DPF3: variants seen among roughly 807,000 people sequenced by gnomAD.
The protein encoded by DPF3 is double PHD fingers 3, also known as zinc finger protein DPF3.
In DPF3, 18 loss-of-function variants were observed where a neutral mutation model predicts 56.8. The observed-to-expected ratio is 0.32, with a 90% CI of 0.22 to 0.47. The LOEUF (loss-of-function observed/expected upper bound fraction) is 0.47. Among genes scored for constraint, DPF3 ranks in the 20% least tolerant of loss-of-function variants. The probability of loss-of-function intolerance (pLI) is 1.00; values close to 1 mark genes in which losing one functional copy is unlikely to be tolerated. For synonymous variants in DPF3, 188 were observed against 180.2 expected (o/e 1.04, Z -0.35); for missense variants, 403 against 488.8 (o/e 0.82, Z 1.65).
intron 1 of DPF3, chr14:72,892,774 A>G (rs1392003675): frequency 1.1e-6 from 1 of 884,352 alleles, no homozygotes; most frequent in South Asian, 5.1e-5. Context: ...CGGGCGGGGA[A>G]GTCCCGGTCG....
chr14:72,746,635 C>A (rs910546005), intron 3 of DPF3, among the ~76,000 whole-genome samples: 21 of 152,380 alleles, frequency 1.4e-4, no homozygotes, highest in African/African-American at 4.6e-4. Flanking sequence ...AATAAGCCTG[C>A]CTTGGGGGAA....
intron 8 of DPF3, among the ~76,000 whole-genome samples, chr14:72,659,344 G>A (rs1479238591): frequency 6.6e-6 from 1 of 152,172 alleles, no homozygotes; most frequent in African/African-American, 2.4e-5. Context: ...TCTGGCCCAT[G>A]TGTGTACTTT....
At chr14:72,622,669 C>G (rs772007291) in intron 9 of DPF3, among the ~76,000 whole-genome samples, 2 of 152,014 alleles carry the variant, frequency 1.3e-5, no homozygotes, top group Non-Finnish European at 2.9e-5. Flanking sequence ...CTTCCACCAC[C>G]AAGAGCCCCC....
chr14:72,863,220 A>G (rs911598093), intron 1 of DPF3, among the ~76,000 whole-genome samples: 1 of 150,476 alleles, frequency 6.6e-6, no homozygotes, highest in African/African-American at 2.5e-5. Context: ...AGCTCTAATG[A>G]ATTTCAAAAG....
At chr14:72,678,269 C>T (rs1263934995) in intron 7 of DPF3, among the ~76,000 whole-genome samples, 2 of 152,194 alleles carry the variant, frequency 1.3e-5, no homozygotes, top group African/African-American at 4.8e-5. Flanking sequence ...ACTTTGCAGC[C>T]ATACCTTGCA....
intron 8 of DPF3, among the ~76,000 whole-genome samples, chr14:72,672,362 A>G (rs1886726612): frequency 6.6e-6 from 1 of 152,092 alleles, no homozygotes; most frequent in Non-Finnish European, 1.5e-5. Flanking sequence ...AGGGGAAGGA[A>G]GCTCTTCCAA....
intron 6 of DPF3, among the ~76,000 whole-genome samples, chr14:72,702,740 TA>T (rs1888227560): frequency 6.6e-6 from 1 of 152,178 alleles, no homozygotes; most frequent in Admixed American, 6.5e-5. Context: ...CAGATCGGGA[TA>T]AAGCCCAGGA....
chr14:72,620,727 C>T lies in DPF3; in HGVS notation c.985-743G>A, dbSNP rs141121679. Among the ~76,000 whole-genome samples, 15 of 152,368 alleles carry T rather than the reference C, an allele frequency of 9.8e-5. No homozygotes were observed. In the East Asian group the frequency reaches 2.9e-3, roughly 29 times the overall value. Reference sequence around the variant, plus strand: ...TCTTTTCCACAAAGTCTTTGCTAATCTACCTCAACTGGAAGTTGTCTCTTC... The same window carrying T: ...TCTTTTCCACAAAGTCTTTGCTAATTTACCTCAACTGGAAGTTGTCTCTTC... On this transcript the variant is annotated intron_variant, in intron 9 of 10. Transcript: ENST00000556509.
chr14:72,710,643 G>A (rs1417051986), intron 6 of DPF3, among the ~76,000 whole-genome samples: 1 of 152,226 alleles, frequency 6.6e-6, no homozygotes, highest in East Asian at 1.9e-4. Flanking sequence ...CCAGGAGTCT[G>A]AATTCTAAGA....
chr14:72,663,131 T>C, intron 8 of DPF3, among the ~76,000 whole-genome samples: 1 of 134,140 alleles, frequency 7.5e-6, no homozygotes, highest in Non-Finnish European at 1.5e-5. Flanking sequence ...GATGGTCAAT[T>C]CCCAGGTGGT....
intron 1 of DPF3, among the ~76,000 whole-genome samples, chr14:72,871,461 G>A (rs1359368498): frequency 6.6e-6 from 1 of 152,216 alleles, no homozygotes. Context: ...CCAAGTGGGA[G>A]AAATTGGCCA....
chr14:72,836,305 G>T (rs35969473), intron 1 of DPF3: 1 of 985,654 alleles, frequency 1.0e-6, no homozygotes, highest in South Asian at 4.7e-5. Context: ...CAAACTCCCA[G>T]GGCAACCCTG....
At chr14:72,830,898 A>C (rs972521502) in intron 1 of DPF3, among the ~76,000 whole-genome samples, 3 of 152,066 alleles carry the variant, frequency 2.0e-5, no homozygotes, top group African/African-American at 7.2e-5. Flanking sequence ...AATCCTGCTC[A>C]TGGGAATTAA....
intron 8 of DPF3, among the ~76,000 whole-genome samples, chr14:72,656,593 C>T (rs2153568921): frequency 6.6e-6 from 1 of 152,302 alleles, no homozygotes; most frequent in African/African-American, 2.4e-5. Context: ...AAATACAAAG[C>T]ATAGCATTTT....
intron 4 of DPF3, chr14:72,724,094 C>T (rs183820052): frequency 7.0e-4 from 126 of 179,306 alleles, no homozygotes; most frequent in African/African-American, 2.8e-3. Flanking sequence ...CAAAGGGCCA[C>T]CTCAGAAATA....
chr14:72,811,082 C>T (rs932453423), intron 1 of DPF3, among the ~76,000 whole-genome samples: 3 of 152,240 alleles, frequency 2.0e-5, no homozygotes, highest in Middle Eastern at 3.4e-3. Flanking sequence ...GAGAGCAAGA[C>T]CAAGGCAGCA....
intron 8 of DPF3, among the ~76,000 whole-genome samples, chr14:72,643,976 T>C (rs1374723502): frequency 6.6e-6 from 1 of 152,080 alleles, no homozygotes; most frequent in Non-Finnish European, 1.5e-5. Context: ...CTTTTCCCCC[T>C]TTCATTCTCC....
At chr14:72,652,356 T>C (rs1885936275) in intron 8 of DPF3, among the ~76,000 whole-genome samples, 1 of 152,324 alleles carries the variant, frequency 6.6e-6, no homozygotes, top group South Asian at 2.1e-4. Context: ...CTGTCCTTAA[T>C]TTCCCTCCTC....
At chr14:72,786,533 T>C (rs1251639464) in intron 1 of DPF3, among the ~76,000 whole-genome samples, 1 of 152,190 alleles carries the variant, frequency 6.6e-6, no homozygotes, top group Admixed American at 6.5e-5. Flanking sequence ...CAGAGTCGAG[T>C]AGTTCCAACA....
Sources: gnomAD v4.1 joint callset for allele counts (sites outside exome capture counted in the v4.1 genomes callset) on GRCh38, gnomAD v4.1.1 for gene constraint, MANE v1.5 for transcripts, NCBI Gene and HGNC (gene_info 2026-07-23, HGNC 2026-07-21) for gene names.